The following RPS6KA2 variants were observed in gnomAD, a reference collection of about 807,000 sequenced individuals.
RPS6KA2 encodes the protein ribosomal protein S6 kinase A2, also known as ribosomal protein S6 kinase alpha-2.
A neutral mutation model predicts 91.8 loss-of-function variants in RPS6KA2; 42 were observed. That is an observed-to-expected ratio of 0.46 (90% confidence interval 0.36 to 0.59). The LOEUF (loss-of-function observed/expected upper bound fraction) is 0.59. Ranked by LOEUF, RPS6KA2 falls within the 20% of genes least tolerant of loss-of-function variation. RPS6KA2 has a pLI of 0.00. For synonymous variants in RPS6KA2, 414 were observed against 393.6 expected, an observed-to-expected ratio of 1.05 and a Z score of -0.61; for missense variants, 798 against 978.5, an observed-to-expected ratio of 0.82 and a Z score of 2.46.
At chr6:166,602,006 G>C (rs1368133440) in intron 1 of RPS6KA2, among the ~76,000 whole-genome samples, 2 of 152,200 alleles carry the variant, frequency 1.3e-5, no homozygotes, top group Non-Finnish European at 2.9e-5. Flanking sequence ...AATATGTAAA[G>C]AACTCTTATA....
intron 2 of RPS6KA2, among the ~76,000 whole-genome samples, chr6:166,789,402 G>A (rs953613602): frequency 2.7e-4 from 41 of 152,230 alleles, no homozygotes; most frequent in Non-Finnish European, 5.0e-4. Context: ...CAAGGAGGCC[G>A]GCCTGCCTGC....
intron 14 of RPS6KA2, chr6:166,439,988 C>A (rs1285856067): frequency 6.6e-6 from 1 of 152,300 alleles, no homozygotes; most frequent in Non-Finnish European, 1.5e-5. Flanking sequence ...GCCTGGCCAC[C>A]ATCTGCTGTG....
intron 1 of RPS6KA2, among the ~76,000 whole-genome samples, chr6:166,598,500 A>G (rs1297376992): frequency 6.6e-6 from 1 of 152,232 alleles, no homozygotes; most frequent in African/African-American, 2.4e-5. Context: ...AGCTAATGGC[A>G]TTGCAAAACC....
chr6:166,606,073 G>A (rs1429939227), intron 1 of RPS6KA2, among the ~76,000 whole-genome samples: 3 of 152,182 alleles, frequency 2.0e-5, no homozygotes, highest in Non-Finnish European at 4.4e-5. Context: ...GGACTGCGGG[G>A]CTGCACACAT....
intron 1 of RPS6KA2, among the ~76,000 whole-genome samples, chr6:166,860,281 G>C (rs1781014978): frequency 6.6e-6 from 1 of 152,166 alleles, no homozygotes; most frequent in South Asian, 2.1e-4. Context: ...AAAAAATTCA[G>C]CTAAGAAGCC....
intron 1 of RPS6KA2, among the ~76,000 whole-genome samples, chr6:166,858,550 T>C (rs1349054708): frequency 6.6e-6 from 1 of 152,178 alleles, no homozygotes; most frequent in African/African-American, 2.4e-5. Context: ...TACGGTACAA[T>C]CTAAAGGACG....
At chr6:166,584,846 G>C (rs1271107065) in intron 1 of RPS6KA2, among the ~76,000 whole-genome samples, 2 of 152,156 alleles carry the variant, frequency 1.3e-5, no homozygotes, top group Non-Finnish European at 2.9e-5. Context: ...ATGCAATATT[G>C]GTCCAGAAAC....
In RPS6KA2 at chr6:166,534,109, C is replaced by T. The variant is rs62440474; in HGVS notation, c.217-2796G>A. ...CTGTGGCAGGCGCCTGTAGTCTCAGCTACTCGAGAGGCTGAGGCAGGAGAA... is the reference window on the plus strand; with the variant it reads ...CTGTGGCAGGCGCCTGTAGTCTCAGTTACTCGAGAGGCTGAGGCAGGAGAA... On this transcript the variant is annotated intron_variant, in intron 2 of 20. Coordinates refer to ENST00000265678, the MANE Select transcript of RPS6KA2 (RefSeq NM_021135.6). Among the ~76,000 whole-genome samples, 1,500 of 151,128 alleles carry T rather than the reference C, an allele frequency of 9.9e-3. 11 individuals are homozygous for T. Among genetic ancestry groups the T allele is most frequent in the Non-Finnish European group, 0.016 (1,053 of 67,836 alleles).
At chr6:166,579,256 A>C (rs1340511610) in intron 1 of RPS6KA2, among the ~76,000 whole-genome samples, 1 of 152,204 alleles carries the variant, frequency 6.6e-6, no homozygotes, top group Admixed American at 6.5e-5. Context: ...ATAAAATGTC[A>C]TGTTATTATA....
intron 2 of RPS6KA2, among the ~76,000 whole-genome samples, chr6:166,843,242 G>C (rs1263934554): frequency 6.6e-6 from 1 of 152,180 alleles, no homozygotes; most frequent in African/African-American, 2.4e-5. Flanking sequence ...AGGAGAATCT[G>C]AGATCAGAAA....
intron 6 of RPS6KA2, among the ~76,000 whole-genome samples, chr6:166,501,327 T>C (rs564287487): frequency 1.3e-5 from 2 of 152,314 alleles, no homozygotes; most frequent in South Asian, 4.1e-4. Context: ...GTTTCTGCAC[T>C]CGGGATGCCC....
chr6:166,809,867 C>T lies in RPS6KA2; in HGVS notation c.123+48333G>A, dbSNP rs896031742. Among the ~76,000 whole-genome samples the T allele has an allele frequency of 4.6e-5, 7 of 152,334 alleles. No individual in the cohort carries two copies. In the East Asian group the frequency reaches 5.8e-4, roughly 13 times the overall value. On this transcript the variant is annotated intron_variant, in intron 2 of 21. Coordinates refer to the RPS6KA2 transcript ENST00000503859. ...GCAGGCCCATGGATGCATGTGAGGA[C>T]GCTCATGCAGCCTTACTCGTGGCCA...
At chr6:166,577,380 C>G (rs1028462748) in intron 1 of RPS6KA2, among the ~76,000 whole-genome samples, 1 of 152,226 alleles carries the variant, frequency 6.6e-6, no homozygotes, top group Admixed American at 6.5e-5. Context: ...ACACTCAACA[C>G]CAGCCCATGA....
intron 1 of RPS6KA2, among the ~76,000 whole-genome samples, chr6:166,607,864 C>T (rs945761540): frequency 4.6e-5 from 7 of 152,040 alleles, no homozygotes; most frequent in East Asian, 1.9e-4. Context: ...TTCCTTTAGC[C>T]GGGCACCAGG....
intron 1 of RPS6KA2, among the ~76,000 whole-genome samples, chr6:166,604,072 T>C (rs537334831): frequency 1.2e-4 from 18 of 152,352 alleles, no homozygotes; most frequent in African/African-American, 4.1e-4. Context: ...TCCATCCTGA[T>C]TAACCCTCCA....
intron 2 of RPS6KA2, among the ~76,000 whole-genome samples, chr6:166,817,565 A>G (rs1034752135): frequency 2.6e-5 from 4 of 152,224 alleles, no homozygotes; most frequent in Non-Finnish European, 5.9e-5. Flanking sequence ...TTTATTTTAA[A>G]CAGGTAAAAA....
chr6:166,498,511 G>T lies in RPS6KA2; in HGVS notation c.744C>A (p.Leu248=). The change falls in exon 8 of 21, where the codon CTC becomes CTA. Residue 248 remains leucine (L), a synonymous_variant. Coordinates refer to ENST00000265678, the MANE Select transcript of RPS6KA2 (RefSeq NM_021135.6). The part of the protein sequence containing the change: ...QSADWWSFGV[L]MFEMLTGSLP... Reference sequence around the variant, plus strand: ...AAGAGGGTCGGGGCAGGCTCACCATGAGCACGCCGAAGGACCACCAGTCGG... The same window carrying T: ...AAGAGGGTCGGGGCAGGCTCACCATTAGCACGCCGAAGGACCACCAGTCGG... 1 of 1,608,846 alleles carries T rather than the reference G, an allele frequency of 6.2e-7. No homozygotes were observed.
intron 2 of RPS6KA2, among the ~76,000 whole-genome samples, chr6:166,684,625 A>G (rs923689739): frequency 2.0e-5 from 3 of 152,118 alleles, no homozygotes; most frequent in Non-Finnish European, 2.9e-5. Context: ...GGGTGCAGTC[A>G]TCCTCAAGCC....
chr6:166,677,003 C>G (rs1788639135), intron 2 of RPS6KA2, among the ~76,000 whole-genome samples: 1 of 152,236 alleles, frequency 6.6e-6, no homozygotes, highest in African/African-American at 2.4e-5. Flanking sequence ...CTGGGCTTCT[C>G]TTCAACGGAG....
Sources: allele counts gnomAD v4.1 joint callset (sites outside exome capture counted in the v4.1 genomes callset), GRCh38; gene constraint gnomAD v4.1.1; transcripts MANE v1.5; gene names NCBI Gene and HGNC (gene_info 2026-07-23, HGNC 2026-07-21).